Variants in UIMC1 observed in about 807,000 individuals in gnomAD.
The protein encoded by UIMC1 is ubiquitin interaction motif containing 1, also known as BRCA1-A complex subunit RAP80.
Under a neutral mutation model 84.9 loss-of-function variants are expected in UIMC1, and 42 were observed. That is an observed-to-expected ratio of 0.49 (90% confidence interval 0.39 to 0.64). UIMC1 has a LOEUF of 0.64. UIMC1 is among the 30% of genes least tolerant of loss of function. The pLI, the probability that UIMC1 is intolerant of heterozygous loss-of-function variation, is 0.00. For missense variants in UIMC1, 825 were observed against 847.6 expected, an observed-to-expected ratio of 0.97 and a Z score of 0.33; for synonymous variants, 281 against 293.0, an observed-to-expected ratio of 0.96 and a Z score of 0.42.
At chr5:176,925,951 C>T (rs1333303280) in intron 10 of UIMC1, among the ~76,000 whole-genome samples, 1 of 152,118 alleles carries the variant, frequency 6.6e-6, no homozygotes, top group East Asian at 1.9e-4. Flanking sequence ...ATATTCGCAA[C>T]TTACTTTGCA....
rs770801193 is a variant in UIMC1, at chr5:176,968,572, T to C, written c.1183A>G (p.Thr395Ala). The C allele has an allele frequency of 7.5e-6, 12 of 1,610,608 alleles. No individual in the cohort carries two copies. In the African/African-American group the frequency reaches 1.2e-4, roughly 16 times the overall value. ...ACCCTTACCTGACCATGACTGGTTG[T>C]TGGTTCTTCCTCCAACAAAAGTTTC... ...KEKLLLEEEP[T>A]TSHGQSSQGI... Residue 395 changes from threonine (T) to alanine (A), a missense_variant, in exon 6 of 15, where the codon ACA becomes GCA. Thr to Ala is a moderately conservative substitution (Grantham distance 58, BLOSUM62 0). Transcript: ENST00000511320.
At chr5:176,973,452 C>A (rs1769570830) in intron 3 of UIMC1, among the ~76,000 whole-genome samples, 1 of 151,158 alleles carries the variant, frequency 6.6e-6, no homozygotes, top group East Asian at 1.9e-4. Flanking sequence ...AGGAGAGTAA[C>A]AATGAAAAAC....
At chr5:176,970,524 T>C (rs1234215912) in intron 4 of UIMC1, 2 of 611,218 alleles carry the variant, frequency 3.3e-6, no homozygotes, top group Non-Finnish European at 5.5e-6. Context: ...AAAAAATCCA[T>C]GGGGTGGAAG....
chr5:176,905,925 G>T, intron 14 of UIMC1, 86 bp downstream of exon 14: 2 of 1,405,574 alleles, frequency 1.4e-6, no homozygotes, highest in Non-Finnish European at 2.0e-6. Context: ...AACAGTCTGA[G>T]TATCACACTA....
At chr5:176,934,669 T>C (rs1422103036) in intron 10 of UIMC1, among the ~76,000 whole-genome samples, 2 of 152,236 alleles carry the variant, frequency 1.3e-5, no homozygotes, top group Non-Finnish European at 2.9e-5. Flanking sequence ...GAATTTCTCA[T>C]AGTTAGTAAA....
chr5:176,956,687 C>G (rs1009241161), intron 7 of UIMC1, among the ~76,000 whole-genome samples: 2 of 151,842 alleles, frequency 1.3e-5, no homozygotes, highest in Non-Finnish European at 2.9e-5. Context: ...CATGGCTGAT[C>G]TGAGCATCTG....
intron 1 of UIMC1, among the ~76,000 whole-genome samples, chr5:177,020,486 A>G (rs1019422454): frequency 3.9e-5 from 6 of 152,210 alleles, no homozygotes; most frequent in African/African-American, 9.6e-5. Context: ...GATGGAGTGC[A>G]GTGGCACGAT....
At chr5:176,925,864 T>TTAA (rs930570540) in intron 10 of UIMC1, among the ~76,000 whole-genome samples, 246 of 152,326 alleles carry the variant, frequency 1.6e-3, no homozygotes, top group African/African-American at 5.7e-3. Flanking sequence ...AAATTTACAC[T>TTAA]TATTTGTGCA....
intron 2 of UIMC1, among the ~76,000 whole-genome samples, chr5:176,980,493 G>A (rs998006460): frequency 5.9e-5 from 9 of 151,812 alleles, no homozygotes; most frequent in Non-Finnish European, 1.0e-4. Flanking sequence ...TTTTTTTTCC[G>A]AGGACACAGA....
chr5:176,956,110 C>A, intron 7 of UIMC1, 75 bp from the exon 8 acceptor site: 1 of 1,430,804 alleles, frequency 7.0e-7, no homozygotes, highest in South Asian at 1.2e-5. Flanking sequence ...AATGGTGAGT[C>A]ACTCACAAAG....
chr5:176,972,701 G>A (rs911212057), intron 3 of UIMC1, among the ~76,000 whole-genome samples: 50 of 151,802 alleles, frequency 3.3e-4, no homozygotes, highest in African/African-American at 1.2e-3. Context: ...ACGCAACTGC[G>A]CTCTAACCTG....
At chr5:176,963,789 G>A (rs1393723435) in intron 6 of UIMC1, among the ~76,000 whole-genome samples, 5 of 151,844 alleles carry the variant, frequency 3.3e-5, no homozygotes, top group South Asian at 4.1e-4. Flanking sequence ...ATACATCAGC[G>A]TGAAGTTTGG....
At chr5:176,923,900 G>T (rs200028730) in intron 10 of UIMC1, among the ~76,000 whole-genome samples, 1 of 145,584 alleles carries the variant, frequency 6.9e-6, no homozygotes, top group African/African-American at 2.5e-5. Flanking sequence ...CACACACACA[G>T]ACACACACAC....
intron 10 of UIMC1, among the ~76,000 whole-genome samples, chr5:176,912,913 G>A (rs1171666922): frequency 6.6e-6 from 1 of 151,992 alleles, no homozygotes; most frequent in East Asian, 1.9e-4. Context: ...GGTGATCCAC[G>A]TGCCTTAGCC....
chr5:177,004,528 A>C (rs1385678470), intron 1 of UIMC1, among the ~76,000 whole-genome samples: 1 of 152,178 alleles, frequency 6.6e-6, no homozygotes, highest in African/African-American at 2.4e-5. Flanking sequence ...AGCTAAAATG[A>C]ATTACCACTA....
intron 2 of UIMC1, among the ~76,000 whole-genome samples, chr5:176,978,167 C>T (rs1249928903): frequency 1.3e-5 from 2 of 151,766 alleles, no homozygotes; most frequent in African/African-American, 2.4e-5. Flanking sequence ...GTCAGGAGAT[C>T]GAGACCATCC....
At chr5:176,957,198 A>G (rs1766715711) in intron 7 of UIMC1, among the ~76,000 whole-genome samples, 2 of 152,182 alleles carry the variant, frequency 1.3e-5, no homozygotes, top group South Asian at 2.1e-4. Context: ...AACCAAAGCC[A>G]TATTCTTTAG....
At chr5:176,985,366 C>A (rs1325387992) in intron 1 of UIMC1, among the ~76,000 whole-genome samples, 1 of 149,088 alleles carries the variant, frequency 6.7e-6, no homozygotes, top group African/African-American at 2.5e-5. Flanking sequence ...TGAGGCAGGA[C>A]AATCACTTGA....
chr5:176,950,790 G>A (rs978139909), intron 9 of UIMC1, among the ~76,000 whole-genome samples: 2 of 151,832 alleles, frequency 1.3e-5, no homozygotes, highest in African/African-American at 4.8e-5. Context: ...GAAACACTTG[G>A]ACCAGGAAGG....
Sources: allele counts gnomAD v4.1 joint callset (sites outside exome capture counted in the v4.1 genomes callset), GRCh38; gene constraint gnomAD v4.1.1; transcripts MANE v1.5; gene names NCBI Gene and HGNC (gene_info 2026-07-23, HGNC 2026-07-21).